Variants in GALNT5 observed in about 807,000 individuals in gnomAD.
GALNT5 encodes the protein polypeptide N-acetylgalactosaminyltransferase 5.
GALNT5 carries 72 observed loss-of-function variants against 85.4 expected under a neutral mutation model. That is an observed-to-expected ratio of 0.84 (90% CI 0.70 to 1.03). GALNT5 has a LOEUF of 1.03. Ranked by LOEUF, GALNT5 falls within the 50% of genes least tolerant of loss-of-function variation. GALNT5 has a pLI of 0.00. For missense variants in GALNT5, 1,137 were observed against 1,135.5 expected (o/e 1.00, Z -0.02); for synonymous variants, 404 against 397.0 (o/e 1.02, Z -0.21).
At chr2:157,261,709 C>T (rs183152523) in intron 1 of GALNT5, among the ~76,000 whole-genome samples, 2 of 152,322 alleles carry the variant, frequency 1.3e-5, no homozygotes, top group Admixed American at 1.3e-4. Context: ...TTTACCCAAA[C>T]ACCTTGACTA....
At chr2:157,303,844 G>A (rs959681852) in intron 7 of GALNT5, among the ~76,000 whole-genome samples, 1 of 152,168 alleles carries the variant, frequency 6.6e-6, no homozygotes, top group Non-Finnish European at 1.5e-5. Context: ...TAGTTAAACA[G>A]GGGGTTCCCA....
At position 157,318,147 on chromosome 2, in the gene GALNT5, A is replaced by T. The variant is rs1485122169; in HGVS notation, c.*6799A>T. Among the ~76,000 whole-genome samples, 2 of 152,132 alleles carry T rather than the reference A, an allele frequency of 1.3e-5. No individual in the cohort carries two copies. The highest frequency in any genetic ancestry group is 4.8e-5 in the African/African-American group (2 of 41,438). The stretch of plus-strand genomic sequence containing the variant: ...ATACTCTGGTGCTTTATCCTTCTCC[A>T]TAATTCTCTATTATTACTTATTTTA... On this transcript the variant is annotated 3_prime_UTR_variant, in exon 10 of 10. Coordinates refer to ENST00000259056, the MANE Select transcript of GALNT5 (RefSeq NM_014568.3).
In GALNT5 at chr2:157,299,566, T is replaced by C. The variant is rs201476728; in HGVS notation, c.2016T>C (p.Gly672=). Reference sequence around the variant, plus strand: ...TTTGTAGGTGCCCTGTCATGGCTGGTGGATTGTTTTCTATTGACAAAAGTT... The same window carrying C: ...TTTGTAGGTGCCCTGTCATGGCTGGCGGATTGTTTTCTATTGACAAAAGTT... ...TDTIRCPVMA[G]GLFSIDKSYF... The change falls in exon 6 of 10, where the codon GGT becomes GGC. Residue 672 remains glycine (G), a synonymous_variant. Transcript: ENST00000259056. The C allele has an allele frequency of 1.3e-5, 21 of 1,606,896 alleles. No individual in the cohort carries two copies. The African/African-American group carries it at 2.5e-4, about 19-fold the overall frequency.
intron 7 of GALNT5, among the ~76,000 whole-genome samples, 154 bp from the exon 8 acceptor site, chr2:157,305,595 T>A (rs1388419778): frequency 6.6e-6 from 1 of 152,228 alleles, no homozygotes; most frequent in Non-Finnish European, 1.5e-5. Context: ...CTGTTAGAGA[T>A]AGCAACCAAT....
At chr2:157,273,968 T>A (rs968918750) in intron 1 of GALNT5, among the ~76,000 whole-genome samples, 2 of 152,034 alleles carry the variant, frequency 1.3e-5, no homozygotes, top group African/African-American at 4.8e-5. Flanking sequence ...ATGCTATCCC[T>A]CCTCCAGCCC....
chr2:157,301,109 A>G, intron 7 of GALNT5, 110 bp downstream of exon 7: 2 of 737,208 alleles, frequency 2.7e-6, no homozygotes. Context: ...AACACCAAGT[A>G]TGAGCAAAGA....
chr2:157,314,602 G>A lies in GALNT5; in HGVS notation c.*3254G>A, dbSNP rs1263867706. Among the ~76,000 whole-genome samples the A allele has an allele frequency of 6.6e-6, 1 of 152,080 alleles. No homozygotes were observed. The highest frequency in any genetic ancestry group is 1.5e-5 in the Non-Finnish European group (1 of 68,026). On this transcript the variant is annotated 3_prime_UTR_variant, in exon 10 of 10. Transcript: ENST00000259056. ...TAGTATTAGTTTGGGACTGCAGAGG[G>A]GCAAAGATACCATTTACAGTATATA...
At chr2:157,303,814 T>G (rs773891121) in intron 7 of GALNT5, among the ~76,000 whole-genome samples, 1 of 152,208 alleles carries the variant, frequency 6.6e-6, no homozygotes, top group African/African-American at 2.4e-5. Context: ...CTTGGAAGGA[T>G]TATACAAAAT....
At chr2:157,306,008 C>T (rs946448578) in intron 8 of GALNT5, among the ~76,000 whole-genome samples, 179 bp downstream of exon 8, 6 of 152,088 alleles carry the variant, frequency 3.9e-5, no homozygotes, top group Admixed American at 6.5e-5. Context: ...GGTGTGGGTC[C>T]TGCAGTCAAC....
In GALNT5 at chr2:157,300,755, C is replaced by A. The variant is rs755858697; in HGVS notation, c.2195C>A (p.Ser732Tyr). The A allele has an allele frequency of 1.2e-6, 2 of 1,613,956 alleles. No homozygotes were observed. The highest frequency in any genetic ancestry group is 3.3e-5 in the Admixed American group (2 of 60,026). The change falls in exon 7 of 10, where the codon TCC (serine) becomes TAC (tyrosine). Residue 732 changes from serine to tyrosine, a missense_variant. Transcript: ENST00000259056. ...ATATTCAGAAATGACAATCCATATT[C>A]CTTCCCCAAAGACCGGATGAAGACA... The part of the protein sequence containing the change: ...GHIFRNDNPY[S>Y]FPKDRMKTVE...
chr2:157,317,128 A>G lies in GALNT5; in HGVS notation c.*5780A>G, dbSNP rs1198757407. ...CATAGCATGAATAGATTTTTAAGTG[A>G]CCACTCAAAAACATAGCAATTTTTG... is the stretch of plus-strand genomic sequence containing the variant. On this transcript the variant is annotated 3_prime_UTR_variant, in exon 10 of 10. Transcript: ENST00000259056. Among the ~76,000 whole-genome samples, 2 of 149,618 alleles carry G rather than the reference A, an allele frequency of 1.3e-5. No homozygotes were observed. Among genetic ancestry groups the G allele is most frequent in the African/African-American group, 4.9e-5 (2 of 41,028 alleles).
intron 1 of GALNT5, among the ~76,000 whole-genome samples, chr2:157,278,369 G>C (rs945119475): frequency 5.9e-5 from 9 of 152,100 alleles, no homozygotes; most frequent in African/African-American, 2.2e-4. Flanking sequence ...ATGTTGGCTA[G>C]GTTGGGGACA....
At chr2:157,270,851 C>G (rs1226614041) in intron 1 of GALNT5, among the ~76,000 whole-genome samples, 1 of 152,190 alleles carries the variant, frequency 6.6e-6, no homozygotes, top group Non-Finnish European at 1.5e-5. Context: ...TGCAGTGGCT[C>G]ACGCCTGTAA....
chr2:157,301,056 T>G (rs1382205470), intron 7 of GALNT5, 57 bp downstream of exon 7: 92 of 1,220,976 alleles, frequency 7.5e-5, no homozygotes, highest in Non-Finnish European at 9.8e-5. Flanking sequence ...ACAAAATCTC[T>G]TTCAAAAATG....
At chr2:157,303,145 G>A (rs536215923) in intron 7 of GALNT5, among the ~76,000 whole-genome samples, 45 of 152,144 alleles carry the variant, frequency 3.0e-4, no homozygotes, top group African/African-American at 1.1e-3. Context: ...TTTTCTTATC[G>A]AACCAACAAT....
rs1026197490 is a variant in GALNT5, at chr2:157,258,948, G to A, written c.866G>A (p.Arg289Lys). Residue 289 changes from arginine to lysine, a missense_variant, in exon 1 of 10, where the codon AGG (arginine) becomes AAG (lysine). Coordinates refer to ENST00000259056, the MANE Select transcript of GALNT5 (RefSeq NM_014568.3). The part of the protein sequence containing the change: ...PKFTVNSNRL[R>K]KQSINETPLG... ...TTCACTGTCAATTCAAATCGCTTAAGGAAGCAATCTATTAATGAGACACCT... is the reference window on the plus strand; with the variant it reads ...TTCACTGTCAATTCAAATCGCTTAAAGAAGCAATCTATTAATGAGACACCT... 2 of 1,529,088 alleles carry A rather than the reference G, an allele frequency of 1.3e-6. No homozygotes were observed. The highest frequency in any genetic ancestry group is 1.4e-5 in the African/African-American group (1 of 72,186). 94.7% of individuals were successfully genotyped at this position (1,529,088 alleles called of 1,614,324 possible). A position where few individuals can be genotyped will look rare whatever the true frequency, so the allele number is the denominator to read the frequency against.
intron 7 of GALNT5, chr2:157,302,183 C>A (rs1683358070): frequency 6.6e-6 from 1 of 152,192 alleles, no homozygotes; most frequent in South Asian, 2.1e-4. Flanking sequence ...AGTTATCCCG[C>A]CCTTTTAGGC....
At chr2:157,310,137 A>G (rs576462784) in intron 9 of GALNT5, among the ~76,000 whole-genome samples, 21 of 152,284 alleles carry the variant, frequency 1.4e-4, no homozygotes, top group African/African-American at 4.8e-4. Context: ...TGATTTGGTA[A>G]AGGAGGTAAT....
rs1683618086 is a variant in GALNT5 at position 157,313,342 on chromosome 2, C to T, written c.*1994C>T. 1 of 152,116 alleles carries T rather than the reference C, an allele frequency of 6.6e-6. No individual in the cohort carries two copies. Among genetic ancestry groups the T allele is most frequent in the Admixed American group, 6.6e-5 (1 of 15,264 alleles). The allele number at this position is 152,116 out of a possible 1,614,324, so 9.4% of individuals were successfully genotyped here. A position where few individuals can be genotyped will look rare whatever the true frequency, so the allele number is the denominator to read the frequency against. On this transcript the variant is annotated 3_prime_UTR_variant, in exon 10 of 10. Coordinates refer to ENST00000259056, the MANE Select transcript of GALNT5 (RefSeq NM_014568.3). ...TATAGCCTAGGTGTGTAGTAGGCTA[C>T]CTACACCATCTAGGTTTGTGTAAGT... is the stretch of plus-strand genomic sequence containing the variant.
Sources: gnomAD v4.1 joint callset for allele counts (sites outside exome capture counted in the v4.1 genomes callset) on GRCh38, gnomAD v4.1.1 for gene constraint, MANE v1.5 for transcripts, NCBI Gene and HGNC (gene_info 2026-07-23, HGNC 2026-07-21) for gene names.